BTK: variants seen among roughly 807,000 people sequenced by gnomAD.
BTK encodes Bruton tyrosine kinase, also known as tyrosine-protein kinase BTK.
In BTK, 5 loss-of-function variants were observed where a neutral mutation model predicts 57.4. That is an observed-to-expected ratio of 0.09 (90% CI 0.05 to 0.18). The LOEUF is 0.18. Ranked by LOEUF, BTK falls within the 10% of genes least tolerant of loss-of-function variation. BTK has a pLI of 1.00. For synonymous variants in BTK, 154 were observed against 174.3 expected, an observed-to-expected ratio of 0.88 and a Z score of 0.92; for missense variants, 194 against 501.2, an observed-to-expected ratio of 0.39 and a Z score of 5.85.
intron 5 of BTK, among the ~76,000 whole-genome samples, chrX:101,364,430 GAAAA>G (rs1168592585): frequency 1.0e-5 from 1 of 98,194 alleles, no homozygotes; most frequent in Non-Finnish European, 2.0e-5. Context: ...AAAAAGAAAA[GAAAA>G]AAGAAAAAGA....
At chrX:101,365,398 C>T (rs1274950515) in intron 5 of BTK, among the ~76,000 whole-genome samples, 1 of 112,249 alleles carries the variant, frequency 8.9e-6, no homozygotes, top group East Asian at 2.8e-4. Context: ...AAGAAACCTC[C>T]CTACATTCTC....
chrX:101,364,992 C>A (rs1050924818), intron 5 of BTK, among the ~76,000 whole-genome samples: 2 of 111,672 alleles, frequency 1.8e-5, no homozygotes, highest in East Asian at 5.6e-4. Context: ...CACCCGCCCC[C>A]CATCGCCCCT....
rs565347925 is a variant in BTK at position 101,358,780 on chromosome X, T to C, written c.895-84A>G. ...ACCTGCCCAAACTTGAGAGAGAAAA[T>C]AGAACAACCCCTGATTTTACTGCCA... On this transcript the variant is annotated intron_variant, in intron 10 of 18. Coordinates refer to ENST00000308731, the MANE Select transcript of BTK (RefSeq NM_000061.3). The C allele has an allele frequency of 9.2e-4, 716 of 774,550 alleles. 4 individuals carry two copies. The South Asian group carries it at 0.015, about 16-fold the overall frequency. 63.8% of individuals were successfully genotyped at this position (774,550 alleles called of 1,213,427 possible). A position where few individuals can be genotyped will look rare whatever the true frequency, so the allele number is the denominator to read the frequency against.
chrX:101,350,772 C>T (rs546127702), intron 18 of BTK, among the ~76,000 whole-genome samples: 1 of 110,738 alleles, frequency 9.0e-6, no homozygotes, highest in Non-Finnish European at 1.9e-5. Flanking sequence ...TTTTGATGGC[C>T]ATGGCCCATA....
chrX:101,355,091 C>CA (rs1926424381), intron 15 of BTK, among the ~76,000 whole-genome samples: 1 of 111,885 alleles, frequency 8.9e-6, no homozygotes, highest in Admixed American at 9.5e-5. Flanking sequence ...CCAGCCTGGC[C>CA]AACATGGCGA....
intron 1 of BTK, among the ~76,000 whole-genome samples, chrX:101,380,371 G>T (rs1200894629): frequency 1.8e-5 from 2 of 111,817 alleles, no homozygotes; most frequent in Non-Finnish European, 3.8e-5. Context: ...GCCTTCCAAA[G>T]TGTGGGGATT....
intron 6 of BTK, 95 bp downstream of exon 6, chrX:101,362,466 A>G (rs1926705139): frequency 8.5e-7 from 1 of 1,171,984 alleles, no homozygotes; most frequent in South Asian, 1.8e-5. Flanking sequence ...CCCAAAGTGT[A>G]CAACCTTATG....
intron 1 of BTK, among the ~76,000 whole-genome samples, chrX:101,381,464 C>T (rs1263273405): frequency 8.9e-6 from 1 of 111,841 alleles, no homozygotes; most frequent in African/African-American, 3.3e-5. Context: ...TACGGAAAAT[C>T]TCTTCCCAGT....
rs1195552720 is a variant in BTK at position 101,353,252 on chromosome X, T to A, written c.1850A>T (p.Tyr617Phe). 1 of 1,207,163 alleles carries A rather than the reference T, an allele frequency of 8.3e-7. No homozygotes were observed. The highest frequency in any genetic ancestry group is 1.8e-5 in the African/African-American group (1 of 56,912). ...CTTCTCTGAAGCCAGATGAGGCCTG[T>A]AGAGACGTAGGCCTTGGGCAATGTG... ...AEHIAQGLRL[Y>F]RPHLASEKVY... Residue 617 changes from tyrosine to phenylalanine, a missense_variant, in exon 18 of 19, where the codon TAC becomes TTC. By Grantham distance (22) the Tyr-to-Phe change is conservative. Coordinates refer to ENST00000308731, the MANE Select transcript of BTK (RefSeq NM_000061.3).
intron 7 of BTK, 122 bp from the exon 8 acceptor site, chrX:101,360,877 G>T: frequency 1.5e-6 from 1 of 683,506 alleles, no homozygotes; most frequent in Non-Finnish European, 2.3e-6. Context: ...TTACTCAGCA[G>T]TCATTCAACA....
chrX:101,362,529 G>A, intron 6 of BTK, 32 bp downstream of exon 6: 1 of 1,211,080 alleles, frequency 8.3e-7, no homozygotes, highest in Non-Finnish European at 1.1e-6. Context: ...ACAGTCAAAG[G>A]AGAAAGAAAT....
rs1189721207 is a variant in BTK, at chrX:101,357,395, T to A, written c.1177+114A>T. On this transcript the variant is annotated intron_variant, in intron 13 of 18. Transcript: ENST00000308731. ...TTGCTTGGATCTGTCTTGAGCGTCC[T>A]TGAGGCAGCTGCTGCAGAACAGTGT... 6 of 688,825 alleles carry A rather than the reference T, an allele frequency of 8.7e-6. No homozygotes were observed. In the East Asian group the frequency reaches 1.9e-4, roughly 22 times the overall value. 56.8% of individuals were successfully genotyped at this position (688,825 alleles called of 1,213,427 possible). A position where few individuals can be genotyped will look rare whatever the true frequency, so the allele number is the denominator to read the frequency against.
intron 4 of BTK, among the ~76,000 whole-genome samples, chrX:101,370,635 G>A (rs1926995724): frequency 9.0e-6 from 1 of 111,515 alleles, no homozygotes; most frequent in Non-Finnish European, 1.9e-5. Context: ...TTCAAAAAGG[G>A]TAAGGTATAT....
At chrX:101,373,604 C>T (rs1157127994) in intron 3 of BTK, among the ~76,000 whole-genome samples, 4 of 112,196 alleles carry the variant, frequency 3.6e-5, no homozygotes, top group Non-Finnish European at 7.5e-5. Context: ...TGAAGAAAAA[C>T]ATCTGTAAGT....
rs146707427 is a variant in BTK, at chrX:101,362,188, C to A, written c.573G>T (p.Thr191=). Residue 191 remains threonine, a synonymous_variant, in exon 7 of 19, where the codon ACG becomes ACT. Coordinates refer to ENST00000308731, the MANE Select transcript of BTK (RefSeq NM_000061.3). ...HRKTKKPLPP[T]PEEDQILKKP... ...CCCTGTATACCTGGTCCTCCTCAGGCGTTGGGGGAAGAGGCTTTTTTGTCT... is the reference window on the plus strand; with the variant it reads ...CCCTGTATACCTGGTCCTCCTCAGGAGTTGGGGGAAGAGGCTTTTTTGTCT... 2.5e-6 allele frequency: 3 copies of A among 1,211,605 alleles called. No homozygotes were observed. The Admixed American group carries it at 6.5e-5, about 26-fold the overall frequency.
chrX:101,367,442 C>A (rs1174979547), intron 5 of BTK, among the ~76,000 whole-genome samples: 2 of 106,917 alleles, frequency 1.9e-5, no homozygotes, highest in African/African-American at 6.8e-5. Context: ...TTGAGACGAG[C>A]CTGGCCAACA....
chrX:101,364,409 CA>C (rs782095484), intron 5 of BTK, among the ~76,000 whole-genome samples: 94 of 50,016 alleles, frequency 1.9e-3, no homozygotes, highest in African/African-American at 3.7e-3. Flanking sequence ...AACTCCAACT[CA>C]AAAAAAAAAA....
rs782238208 is a variant in BTK, at chrX:101,356,393, T to A, written c.1350-125A>T. The A allele has an allele frequency of 7.2e-5, 41 of 571,332 alleles. No homozygotes were observed. In the East Asian group the frequency reaches 1.5e-3, roughly 21 times the overall value. 47.1% of individuals were successfully genotyped at this position (571,332 alleles called of 1,213,427 possible). A position where few individuals can be genotyped will look rare whatever the true frequency, so the allele number is the denominator to read the frequency against. The stretch of plus-strand genomic sequence containing the variant: ...ATAAGGGGTCACACCAGCAAGTTTA[T>A]TTTCCTCTTTCCCACCCTAAATCTC... On this transcript the variant is annotated intron_variant, in intron 14 of 18. Transcript: ENST00000308731.
intron 1 of BTK, among the ~76,000 whole-genome samples, chrX:101,379,164 A>G (rs1555981443): frequency 1.2e-5 from 1 of 81,177 alleles, no homozygotes; most frequent in South Asian, 6.6e-4. Flanking sequence ...CTCAAAAAAA[A>G]AATAAAAAAT....
Sources: gnomAD v4.1 joint callset for allele counts (sites outside exome capture counted in the v4.1 genomes callset) on GRCh38, gnomAD v4.1.1 for gene constraint, MANE v1.5 for transcripts, NCBI Gene and HGNC (gene_info 2026-07-23, HGNC 2026-07-21) for gene names.